The following ITPR1 variants were observed in gnomAD, a reference collection of about 807,000 sequenced individuals.
The protein encoded by ITPR1 is inositol 1,4,5-trisphosphate-gated calcium channel ITPR1.
ITPR1 carries 96 observed loss-of-function variants against 318.4 expected under a neutral mutation model. The ratio of observed to expected loss-of-function variants is 0.30; its 90% CI spans 0.26 to 0.36. The LOEUF (loss-of-function observed/expected upper bound fraction) is 0.36, where lower values mean the gene tolerates loss of function less well. ITPR1 is among the 10% of genes least tolerant of loss of function. ITPR1 has a pLI of 1.00. For missense variants in ITPR1, 2,440 were observed against 3,460.2 expected (o/e 0.71, Z 7.40); for synonymous variants, 1,312 against 1,289.9 (o/e 1.02, Z -0.37).
chr3:4,711,986 G>C (rs1396577199), intron 39 of ITPR1, 118 bp downstream of exon 39: 1 of 490,790 alleles, frequency 2.0e-6, no homozygotes, highest in Non-Finnish European at 3.7e-6. Context: ...TTTTTTAAAA[G>C]AAAGAAAGAA....
At chr3:4,738,223 GA>G (rs910261967) in intron 44 of ITPR1, among the ~76,000 whole-genome samples, 11 of 151,526 alleles carry the variant, frequency 7.3e-5, no homozygotes, top group African/African-American at 1.7e-4. Flanking sequence ...GTTTAAAAAA[GA>G]AAAAAAACAA....
chr3:4,803,682 G>C (rs374111832), intron 54 of ITPR1, among the ~76,000 whole-genome samples: 44 of 152,308 alleles, frequency 2.9e-4, no homozygotes, highest in African/African-American at 1.0e-3. Context: ...CAGTATTTCA[G>C]AGGCTGTCTT....
chr3:4,607,430 G>A (rs369174598), intron 4 of ITPR1, among the ~76,000 whole-genome samples: 5 of 152,120 alleles, frequency 3.3e-5, no homozygotes, highest in Admixed American at 6.5e-5. Flanking sequence ...ACCCAGGTCC[G>A]TGTGTTTTAA....
chr3:4,703,082 G>A (rs920222180), intron 36 of ITPR1, 132 bp downstream of exon 36: 20 of 966,730 alleles, frequency 2.1e-5, no homozygotes, highest in Non-Finnish European at 3.0e-5. Context: ...AGCCAGACCC[G>A]GAACCAAGGT....
At chr3:4,785,011 C>A (rs2047093103) in intron 51 of ITPR1, among the ~76,000 whole-genome samples, 1 of 152,092 alleles carries the variant, frequency 6.6e-6, no homozygotes, top group South Asian at 2.1e-4. Context: ...TGCTGGGCAG[C>A]CATAAGTTAA....
intron 4 of ITPR1, among the ~76,000 whole-genome samples, chr3:4,588,372 G>A (rs990549950): frequency 6.6e-6 from 1 of 151,752 alleles, no homozygotes; most frequent in Admixed American, 6.6e-5. Context: ...TTAGTGGGGT[G>A]TATTTTAATA....
chr3:4,502,686 A>C (rs1201717267), intron 2 of ITPR1, among the ~76,000 whole-genome samples: 1 of 151,732 alleles, frequency 6.6e-6, no homozygotes, highest in Non-Finnish European at 1.5e-5. Flanking sequence ...TGACCTGCCC[A>C]CCTTGGCCTC....
chr3:4,715,742 A>G (rs1159487329), intron 39 of ITPR1, among the ~76,000 whole-genome samples: 1 of 152,174 alleles, frequency 6.6e-6, no homozygotes, highest in East Asian at 1.9e-4. Context: ...AATCCCAGCT[A>G]TTTGGGAGGC....
intron 54 of ITPR1, 80 bp downstream of exon 54, chr3:4,800,680 G>A: frequency 7.1e-7 from 1 of 1,414,478 alleles, no homozygotes; most frequent in South Asian, 1.2e-5. Flanking sequence ...CTAGAATCCT[G>A]GCCTGTGCTT....
At chr3:4,624,670 CAAAAAAAAAAA>C (rs1161664837) in intron 4 of ITPR1, among the ~76,000 whole-genome samples, 1 of 72,506 alleles carries the variant, frequency 1.4e-5, no homozygotes, top group Non-Finnish European at 3.0e-5. Flanking sequence ...GCTCTGTCTC[CAAAAAAAAAAA>C]AAAAAAAAAA....
intron 4 of ITPR1, among the ~76,000 whole-genome samples, chr3:4,530,521 T>C (rs2083326872): frequency 6.6e-6 from 1 of 152,236 alleles, no homozygotes; most frequent in Non-Finnish European, 1.5e-5. Context: ...TGGTGGCTCA[T>C]GCCTGCAATC....
At chr3:4,643,665 T>G (rs754706201) in intron 7 of ITPR1, among the ~76,000 whole-genome samples, 2 of 152,124 alleles carry the variant, frequency 1.3e-5, no homozygotes, top group African/African-American at 2.4e-5. Context: ...AACATGCGTA[T>G]AAGTCTCAAT....
At chr3:4,716,280 A>T (rs1162402626) in intron 39 of ITPR1, among the ~76,000 whole-genome samples, 1 of 152,204 alleles carries the variant, frequency 6.6e-6, no homozygotes, top group African/African-American at 2.4e-5. Context: ...AACTCAGAAA[A>T]TCTTCAAGCC....
intron 4 of ITPR1, among the ~76,000 whole-genome samples, chr3:4,540,105 G>GT (rs1166406713): frequency 1.3e-5 from 2 of 151,576 alleles, no homozygotes; most frequent in Non-Finnish European, 2.9e-5. Context: ...TAGTTTTTAA[G>GT]TTTTTTAAAA....
At chr3:4,536,560 T>G (rs1364733097) in intron 4 of ITPR1, among the ~76,000 whole-genome samples, 1 of 152,236 alleles carries the variant, frequency 6.6e-6, no homozygotes, top group Admixed American at 6.5e-5. Flanking sequence ...TTTGCAATTT[T>G]ATGAAGAGAG....
intron 4 of ITPR1, among the ~76,000 whole-genome samples, chr3:4,594,451 C>T (rs1286011002): frequency 6.6e-6 from 1 of 152,146 alleles, no homozygotes. Context: ...GATAAAGATT[C>T]GTTTTTATCT....
chr3:4,603,671 AC>A (rs960549374), intron 4 of ITPR1, among the ~76,000 whole-genome samples: 1 of 152,022 alleles, frequency 6.6e-6, no homozygotes, highest in Middle Eastern at 3.2e-3. Context: ...CTCGTGTTCC[AC>A]CCGCCTTGGC....
intron 6 of ITPR1, 27 bp downstream of exon 6, chr3:4,639,497 G>T: frequency 6.8e-7 from 1 of 1,478,050 alleles, no homozygotes; most frequent in East Asian, 2.4e-5. Context: ...CTTCCCTTCT[G>T]AAGCTGAAGC....
At chr3:4,697,977 A>G (rs2094586358) in intron 34 of ITPR1, among the ~76,000 whole-genome samples, 1 of 152,126 alleles carries the variant, frequency 6.6e-6, no homozygotes, top group Non-Finnish European at 1.5e-5. Context: ...TCTGAACTTG[A>G]GGATTCTGCA....
Sources: allele counts gnomAD v4.1 joint callset (sites outside exome capture counted in the v4.1 genomes callset), GRCh38; gene constraint gnomAD v4.1.1; transcripts MANE v1.5; gene names NCBI Gene and HGNC (gene_info 2026-07-23, HGNC 2026-07-21).